PCDHGA3: variants seen among roughly 807,000 people sequenced by gnomAD.
The protein encoded by PCDHGA3 is protocadherin gamma-A3.
PCDHGA3 carries 40 observed loss-of-function variants against 58.5 expected under a neutral mutation model. The ratio of observed to expected loss-of-function variants is 0.68; its 90% confidence interval spans 0.53 to 0.89. The LOEUF (loss-of-function observed/expected upper bound fraction) is 0.89, where lower values mean the gene tolerates loss of function less well. Ranked by LOEUF, PCDHGA3 falls within the 40% of genes least tolerant of loss-of-function variation. The pLI, the probability that PCDHGA3 is intolerant of heterozygous loss-of-function variation, is 0.00. For synonymous variants in PCDHGA3, 530 were observed against 525.7 expected (o/e 1.01, Z -0.11); for missense variants, 1,223 against 1,195.9 (o/e 1.02, Z -0.33).
rs546656566 is a variant in PCDHGA3, at chr5:141,389,499, G to C, written c.2424+43042G>C. 10 of 1,613,058 alleles carry C rather than the reference G, an allele frequency of 6.2e-6. No homozygotes were observed. The African/African-American group carries it at 1.1e-4, about 17-fold the overall frequency. On this transcript the variant is annotated intron_variant, in intron 1 of 3. Coordinates refer to ENST00000253812, the MANE Select transcript of PCDHGA3 (RefSeq NM_018916.4). ...GCAGGCCCGCGACCAGGGCTCGCCA[G>C]CGCTCAGCGCGAACGTGAGCCTGCG... is the stretch of plus-strand genomic sequence containing the variant.
chr5:141,472,865 A>G (rs1329594490), intron 1 of PCDHGA3, among the ~76,000 whole-genome samples: 3 of 149,558 alleles, frequency 2.0e-5, no homozygotes, highest in Non-Finnish European at 4.5e-5. Flanking sequence ...ACATGCCTGT[A>G]TTCCCAGCTA....
At position 141,432,579 on chromosome 5, in the gene PCDHGA3, G is replaced by A. The variant is rs769224543; in HGVS notation, c.2425-62228G>A. 6.2e-7 allele frequency: 1 copy of A among 1,613,860 alleles called. No homozygotes were observed. Among genetic ancestry groups the A allele is most frequent in the Non-Finnish European group, 8.5e-7 (1 of 1,179,984 alleles). On this transcript the variant is annotated intron_variant, in intron 1 of 3. Transcript: ENST00000253812. The surrounding 1 kb of genome is among the most constrained non-coding windows in gnomAD (Gnocchi z 6.0). ...GGCCAGAACGCCTGGCTGTCCTACC[G>A]TCTGCTCAAGGCCAGCGAGCCGGGA...
chr5:141,392,878 C>G, intron 1 of PCDHGA3: 2 of 1,613,474 alleles, frequency 1.2e-6, no homozygotes, highest in Non-Finnish European at 1.7e-6. Context: ...CTGCTGGGAA[C>G]GCTGTGGGAA....
intron 1 of PCDHGA3, chr5:141,403,345 A>C (rs1267522141): frequency 1.2e-6 from 2 of 1,614,050 alleles, no homozygotes; most frequent in South Asian, 2.2e-5. Context: ...ACAGCGCCCC[A>C]AAGTTCCAGG....
At chr5:141,495,960 C>G (rs1380397345) in intron 2 of PCDHGA3, among the ~76,000 whole-genome samples, 2 of 151,998 alleles carry the variant, frequency 1.3e-5, no homozygotes, top group East Asian at 3.9e-4. Context: ...CTTTTTCTGC[C>G]TCTTTCTCTG....
intron 1 of PCDHGA3, chr5:141,415,179 G>A: frequency 6.2e-7 from 1 of 1,613,934 alleles, no homozygotes; most frequent in Non-Finnish European, 8.5e-7. Flanking sequence ...CCGTGGCCGT[G>A]GCCGACAGCA....
Position 141,394,702 on chromosome 5 carries a change from G to A in PCDHGA3, c.2424+48245G>A, listed in dbSNP as rs1246576971. On this transcript the variant is annotated intron_variant, in intron 1 of 3. Coordinates refer to ENST00000253812, the MANE Select transcript of PCDHGA3 (RefSeq NM_018916.4). Reference sequence around the variant, plus strand: ...CACACGGGCGAGGTGCGCACGGCGCGAGCCCTGCTGGACAGAGATGCGCTC... The same window carrying A: ...CACACGGGCGAGGTGCGCACGGCGCAAGCCCTGCTGGACAGAGATGCGCTC... 1.9e-5 allele frequency: 31 copies of A among 1,613,178 alleles called. No homozygotes were observed. Among genetic ancestry groups the A allele is most frequent in the Non-Finnish European group, 2.5e-5 (29 of 1,179,882 alleles).
chr5:141,380,249 A>G (rs758616884), intron 1 of PCDHGA3, among the ~76,000 whole-genome samples: 1 of 152,198 alleles, frequency 6.6e-6, no homozygotes, highest in African/African-American at 2.4e-5. Flanking sequence ...GCAATTGTCA[A>G]AGGGGAAGGA....
At chr5:141,502,866 C>CTTTTTTTTTTTTTTTT (rs549047197) in intron 2 of PCDHGA3, among the ~76,000 whole-genome samples, 4 of 128,044 alleles carry the variant, frequency 3.1e-5, no homozygotes, top group African/African-American at 3.1e-5. Context: ...GACTCTCTGT[C>CTTTTTTTTTTTTTTTT]TTTTTTTTTT....
intron 1 of PCDHGA3, among the ~76,000 whole-genome samples, chr5:141,358,915 G>C (rs28587232): frequency 2.6e-5 from 4 of 152,190 alleles, no homozygotes; most frequent in Non-Finnish European, 5.9e-5. Flanking sequence ...AATATTTTGT[G>C]TGTAGGGGAT....
intron 1 of PCDHGA3, chr5:141,370,538 G>C: frequency 6.2e-7 from 1 of 1,613,906 alleles, no homozygotes; most frequent in Non-Finnish European, 8.5e-7. Flanking sequence ...CGCTGGTAGG[G>C]AACCTCGCCA....
chr5:141,382,839 T>A lies in PCDHGA3; in HGVS notation c.2424+36382T>A. 4 of 1,450,270 alleles carry A rather than the reference T, an allele frequency of 2.8e-6. No individual in the cohort carries two copies. In the South Asian group the frequency reaches 5.5e-5, roughly 20 times the overall value. 89.8% of individuals were successfully genotyped at this position (1,450,270 alleles called of 1,614,324 possible). A position where few individuals can be genotyped will look rare whatever the true frequency, so the allele number is the denominator to read the frequency against. On this transcript the variant is annotated intron_variant, in intron 1 of 3. Coordinates refer to ENST00000253812, the MANE Select transcript of PCDHGA3 (RefSeq NM_018916.4). ...CCTAAGACAGAGGGGTCCACCCGGA[T>A]ACACCCGCATTCTGAAGCACTTCCC...
At chr5:141,497,201 G>A (rs1190666375) in intron 2 of PCDHGA3, among the ~76,000 whole-genome samples, 1 of 93,734 alleles carries the variant, frequency 1.1e-5, no homozygotes, top group African/African-American at 8.6e-5. Flanking sequence ...AGAACAATGT[G>A]AGTGTAATGG....
chr5:141,404,826 A>C lies in PCDHGA3; in HGVS notation c.2424+58369A>C, dbSNP rs771996319. 2.5e-6 allele frequency: 4 copies of C among 1,613,710 alleles called. No individual in the cohort carries two copies. In the South Asian group the frequency reaches 3.3e-5, roughly 13 times the overall value. The stretch of plus-strand genomic sequence containing the variant: ...TTCTCGGTGGGGCTGCACACAGGTG[A>C]AGTGCGCACAGCTCGGGCCCTGCTA... On this transcript the variant is annotated intron_variant, in intron 1 of 3. Transcript: ENST00000253812.
intron 1 of PCDHGA3, chr5:141,384,896 A>G (rs1588983120): frequency 1.2e-6 from 2 of 1,613,766 alleles, no homozygotes; most frequent in African/African-American, 1.3e-5. Flanking sequence ...GCTGTGGCTG[A>G]CAGCATCCCC....
At chr5:141,505,827 TCA>T (rs1197972266) in intron 3 of PCDHGA3, among the ~76,000 whole-genome samples, 4 of 152,072 alleles carry the variant, frequency 2.6e-5, no homozygotes, top group South Asian at 4.1e-4. Context: ...TCTCTAAACC[TCA>T]GTTTCCTCAG....
intron 1 of PCDHGA3, chr5:141,376,482 C>T (rs768933228): frequency 4.3e-6 from 7 of 1,614,148 alleles, no homozygotes; most frequent in South Asian, 1.1e-5. Context: ...TTACTTGAAA[C>T]GAAAGGAGAA....
Position 141,476,908 on chromosome 5 carries a change from A to T in PCDHGA3, c.2425-17899A>T. ...ATGCACCCTCCGGCACGCGCGTGGT[A>T]CAAGTCCTTGCAACGGATCTGGATG... is the stretch of plus-strand genomic sequence containing the variant. On this transcript the variant is annotated intron_variant, in intron 1 of 3. Coordinates refer to ENST00000253812, the MANE Select transcript of PCDHGA3 (RefSeq NM_018916.4). This position sits in a 1 kb window ranked among gnomAD's most constrained non-coding sequence, Gnocchi z 7.6. The T allele has an allele frequency of 1.2e-6, 2 of 1,614,050 alleles. No individual in the cohort carries two copies. The highest frequency in any genetic ancestry group is 1.7e-6 in the Non-Finnish European group (2 of 1,180,038).
rs558609501 is a variant in PCDHGA3, at chr5:141,487,648, G to C, written c.2425-7159G>C. On this transcript the variant is annotated intron_variant, in intron 1 of 3. Coordinates refer to ENST00000253812, the MANE Select transcript of PCDHGA3 (RefSeq NM_018916.4). This position sits in a 1 kb window ranked among gnomAD's most constrained non-coding sequence, Gnocchi z 5.0. ...CTTTGCAGGCTCAACAAATGCTTGA[G>C]GGTTATTCTGATCCAGGCATATGGC... is the stretch of plus-strand genomic sequence containing the variant. 34 of 1,613,904 alleles carry C rather than the reference G, an allele frequency of 2.1e-5. 1 individual carries two copies. The South Asian group carries it at 3.6e-4, about 17-fold the overall frequency.
Sources: allele counts gnomAD v4.1 joint callset (sites outside exome capture counted in the v4.1 genomes callset), GRCh38; gene constraint gnomAD v4.1.1; non-coding constraint Gnocchi (gnomAD v3.1); transcripts MANE v1.5; gene names NCBI Gene and HGNC (gene_info 2026-07-23, HGNC 2026-07-21).